The following ACSM6 variants were observed in gnomAD, a reference collection of about 807,000 sequenced individuals.
The protein encoded by ACSM6 is acyl-CoA synthetase medium chain family member 6, also known as acyl-coenzyme A synthetase ACSM6, mitochondrial.
Under a neutral mutation model 51.1 loss-of-function variants are expected in ACSM6, and 35 were observed. The observed-to-expected ratio is 0.69, with a 90% CI of 0.52 to 0.91. The LOEUF is 0.91. ACSM6 is among the 40% of genes least tolerant of loss of function. ACSM6 has a pLI of 0.00. For missense variants in ACSM6, 509 were observed against 584.1 expected (o/e 0.87, Z 1.32); for synonymous variants, 172 against 207.3 (o/e 0.83, Z 1.46).
chr10:95,198,864 T>C (rs1304390414), intron 2 of ACSM6, among the ~76,000 whole-genome samples: 1 of 152,118 alleles, frequency 6.6e-6, no homozygotes, highest in Non-Finnish European at 1.5e-5. Flanking sequence ...TAAGAAACTC[T>C]ATGGAAGAAC....
At chr10:95,222,854 A>AC (rs200060649) in intron 9 of ACSM6, among the ~76,000 whole-genome samples, 4,982 of 151,902 alleles carry the variant, frequency 0.033, 284 homozygotes, top group African/African-American at 0.11. Flanking sequence ...TATTACCAAA[A>AC]TAATAATAAT....
chr10:95,199,160 T>C (rs1180475173), intron 2 of ACSM6, among the ~76,000 whole-genome samples: 1 of 151,972 alleles, frequency 6.6e-6, no homozygotes, highest in Non-Finnish European at 1.5e-5. Flanking sequence ...GAGATATAGA[T>C]CAATGGAACA....
intron 5 of ACSM6, among the ~76,000 whole-genome samples, chr10:95,211,011 G>C (rs1589494739): frequency 6.6e-6 from 1 of 152,182 alleles, no homozygotes; most frequent in South Asian, 2.1e-4. Context: ...AGGAAGAGCA[G>C]GGATTCCATG....
intron 2 of ACSM6, chr10:95,201,721 G>C (rs2034795509): frequency 1.8e-6 from 1 of 548,370 alleles, no homozygotes; most frequent in Non-Finnish European, 3.3e-6. Flanking sequence ...CCTGGGCAGG[G>C]CTGGTTTCAC....
intron 3 of ACSM6, among the ~76,000 whole-genome samples, chr10:95,204,118 C>T (rs796811244): frequency 6.6e-5 from 10 of 152,296 alleles, no homozygotes; most frequent in South Asian, 4.1e-4. Flanking sequence ...GGCCAAGTTA[C>T]GCAGAGTGAT....
chr10:95,212,895 A>G, exon 7 of ACSM6: 1 of 1,613,890 alleles, frequency 6.2e-7, no homozygotes, highest in Non-Finnish European at 8.5e-7. Context: ...CTATCTGCAA[A>G]TCCAGAGATG....
At chr10:95,215,395 AT>A in intron 8 of ACSM6, among the ~76,000 whole-genome samples, 1 of 152,228 alleles carries the variant, frequency 6.6e-6, no homozygotes, top group Admixed American at 6.5e-5. Flanking sequence ...GTTGGAGAGC[AT>A]TAATCTTCAA....
Position 95,198,405 on chromosome 10 carries a change from CT to C in ACSM6, c.193-3577del, listed in dbSNP as rs1465117772. ...GTGGATCACGCCTGTAATCCCAGCA[CT>C]TTGGGAGGCCGAGGCAGGTGAATTG... On this transcript the variant is annotated intron_variant, in intron 2 of 10. Coordinates refer to ENST00000341686, the Ensembl canonical transcript of ACSM6. 2.0e-5 allele frequency among the ~76,000 whole-genome samples: 3 copies of C among 152,298 alleles called. No individual in the cohort carries two copies. In the East Asian group the frequency reaches 5.8e-4, roughly 29 times the overall value.
chr10:95,220,609 A>G (rs753915981), intron 9 of ACSM6, among the ~76,000 whole-genome samples: 27 of 152,236 alleles, frequency 1.8e-4, no homozygotes, highest in Non-Finnish European at 5.9e-5. Flanking sequence ...GGAAATAGTA[A>G]GTTCTCAACC....
chr10:95,215,353 G>A (rs2034934366), intron 8 of ACSM6, among the ~76,000 whole-genome samples: 1 of 152,168 alleles, frequency 6.6e-6, no homozygotes, highest in Admixed American at 6.5e-5. Context: ...GAAAATAAAG[G>A]AGAAATGGGT....
intron 3 of ACSM6, among the ~76,000 whole-genome samples, chr10:95,204,352 G>A (rs552268025): frequency 5.3e-5 from 8 of 152,080 alleles, no homozygotes; most frequent in Non-Finnish European, 8.8e-5. Flanking sequence ...AGGAGTTCGG[G>A]ACCAACCTGG....
At position 95,204,142 on chromosome 10, in the gene ACSM6, T is replaced by A. The variant is rs1472850077; in HGVS notation, c.403+1947T>A. ...ACGCAGAGTGATTTCCTTAGCCACA[T>A]ACCAGTCCAAAGCAGGGCTATCATT... On this transcript the variant is annotated intron_variant, in intron 3 of 10. Transcript: ENST00000341686. Among the ~76,000 whole-genome samples the A allele has an allele frequency of 5.9e-5, 9 of 152,308 alleles. No homozygotes were observed. In the South Asian group the frequency reaches 1.7e-3, roughly 28 times the overall value.
intron 3 of ACSM6, among the ~76,000 whole-genome samples, chr10:95,203,936 G>T (rs1417476093): frequency 6.6e-6 from 1 of 151,540 alleles, no homozygotes; most frequent in Non-Finnish European, 1.5e-5. Context: ...TGTCAGTTAT[G>T]GGGAGCATAC....
chr10:95,218,567 C>A (rs1413611725), intron 8 of ACSM6, among the ~76,000 whole-genome samples: 1 of 152,152 alleles, frequency 6.6e-6, no homozygotes, highest in Non-Finnish European at 1.5e-5. Context: ...AGATTAACAC[C>A]AGCAACTCTG....
At chr10:95,207,959 G>T (rs1195135299) in intron 4 of ACSM6, among the ~76,000 whole-genome samples, 1 of 151,972 alleles carries the variant, frequency 6.6e-6, no homozygotes, top group East Asian at 1.9e-4. Context: ...TGGCCAACAT[G>T]GTGAAACCCC....
intron 3 of ACSM6, among the ~76,000 whole-genome samples, chr10:95,203,846 G>C (rs1445795201): frequency 7.0e-6 from 1 of 143,434 alleles, no homozygotes; most frequent in Non-Finnish European, 1.5e-5. Context: ...TGCTAACAGG[G>C]ATGCTAGATT....
intron 10 of ACSM6, among the ~76,000 whole-genome samples, chr10:95,227,378 A>G (rs1174466073): frequency 6.6e-6 from 1 of 152,180 alleles, no homozygotes; most frequent in African/African-American, 2.4e-5. Flanking sequence ...GTTACTTCCA[A>G]TGTTTTATAT....
rs2034896198 is a variant in ACSM6, at chr10:95,211,862, T to A, written c.756-16T>A. On this transcript the variant is annotated splice_polypyrimidine_tract_variant and intron_variant, in intron 5 of 10. Transcript: ENST00000341686. ...CAGCACGAGAGAATTCAAATGGCTT[T>A]CCTCTTTCTCTTTAGACGGTGGATG... is the stretch of plus-strand genomic sequence containing the variant. 3 of 1,577,846 alleles carry A rather than the reference T, an allele frequency of 1.9e-6. No homozygotes were observed. Among genetic ancestry groups the A allele is most frequent in the Non-Finnish European group, 2.6e-6 (3 of 1,164,504 alleles).
intron 8 of ACSM6, among the ~76,000 whole-genome samples, chr10:95,215,288 G>T (rs1329931450): frequency 1.3e-5 from 2 of 152,210 alleles, no homozygotes; most frequent in Non-Finnish European, 2.9e-5. Context: ...GTACAAGTCT[G>T]AGTGGAGGAT....
Sources: allele counts gnomAD v4.1 joint callset (sites outside exome capture counted in the v4.1 genomes callset), GRCh38; gene constraint gnomAD v4.1.1; transcripts MANE v1.5; gene names NCBI Gene and HGNC (gene_info 2026-07-23, HGNC 2026-07-21).